Variants in AGPS observed in about 807,000 individuals in gnomAD.
AGPS encodes the protein alkyldihydroxyacetonephosphate synthase, peroxisomal.
In AGPS, 26 loss-of-function variants were observed where a neutral mutation model predicts 90.7. The ratio of observed to expected loss-of-function variants is 0.29; its 90% CI spans 0.21 to 0.40. The LOEUF (loss-of-function observed/expected upper bound fraction) is 0.40, where lower values mean the gene tolerates loss of function less well. AGPS is among the 10% of genes least tolerant of loss of function. The probability of loss-of-function intolerance (pLI) is 1.00; values close to 1 mark genes in which losing one functional copy is unlikely to be tolerated. For missense variants in AGPS, 540 were observed against 816.1 expected, an observed-to-expected ratio of 0.66 and a Z score of 4.12; for synonymous variants, 294 against 285.3, an observed-to-expected ratio of 1.03 and a Z score of -0.31.
chr2:177,529,776 G>A (rs1313886378), intron 19 of AGPS, among the ~76,000 whole-genome samples: 1 of 152,154 alleles, frequency 6.6e-6, no homozygotes, highest in Admixed American at 6.5e-5. Context: ...AAATTTGAGT[G>A]GCTGAACAAC....
intron 16 of AGPS, among the ~76,000 whole-genome samples, chr2:177,512,349 G>T (rs2105725136): frequency 6.6e-6 from 1 of 151,776 alleles, no homozygotes. Flanking sequence ...ATAAATTAAA[G>T]AATTTAACTT....
At chr2:177,491,429 CTT>C (rs1051275473) in intron 11 of AGPS, among the ~76,000 whole-genome samples, 8 of 118,224 alleles carry the variant, frequency 6.8e-5, no homozygotes, top group East Asian at 2.5e-4. Flanking sequence ...TGACTAATTT[CTT>C]TTTTTTTTTT....
chr2:177,429,674 C>T lies in AGPS; in HGVS notation c.351-4653C>T, dbSNP rs183852469. ...GGAGGCTGTGAAACAGCAAAGATGG[C>T]AGCCTGCTTTTTCCTCTGGGAGCTC... On this transcript the variant is annotated intron_variant, in intron 2 of 19. Transcript: ENST00000264167. 2.6e-5 allele frequency among the ~76,000 whole-genome samples: 4 copies of T among 152,322 alleles called. No individual in the cohort carries two copies. The East Asian group carries it at 7.7e-4, about 29-fold the overall frequency.
rs189244583 is a variant in AGPS, at chr2:177,449,931, G to A, written c.870+4305G>A. 3.5e-3 allele frequency among the ~76,000 whole-genome samples: 524 copies of A among 151,032 alleles called. 1 individual carries two copies. Among genetic ancestry groups the A allele is most frequent in the African/African-American group, 7.2e-3 (295 of 41,080 alleles). The stretch of plus-strand genomic sequence containing the variant: ...CGGCTCACTGCAAGCTCCGCCTCCC[G>A]GGTTCATGCCATTCTCCTGCCTCAG... On this transcript the variant is annotated intron_variant, in intron 8 of 19. Transcript: ENST00000264167.
Position 177,445,555 on chromosome 2 carries a change from C to T in AGPS, c.799C>T (p.Leu267Phe). The change falls in exon 8 of 20, where the codon CTC becomes TTC. Residue 267 changes from leucine (L) to phenylalanine (F), a missense_variant. By Grantham distance (22) the Leu-to-Phe change is conservative (BLOSUM62 0). Around this residue, in one of 2 missense-constraint regions of AGPS, gnomAD observed 405 missense variants for 692.1 expected, o/e 0.59. Coordinates refer to ENST00000264167, the MANE Select transcript of AGPS (RefSeq NM_003659.4). Reference protein sequence around the residue: ...SLDTSQMNRILWVDENNLTAH... With the variant: ...SLDTSQMNRIFWVDENNLTAH... The stretch of plus-strand genomic sequence containing the variant: ...TCTTCCTTTGCAACAGAATCGAATT[C>T]TCTGGGTTGATGAGAACAATTTGAC... 5 of 1,613,688 alleles carry T rather than the reference C, an allele frequency of 3.1e-6. No homozygotes were observed. Among genetic ancestry groups the T allele is most frequent in the Non-Finnish European group, 4.2e-6 (5 of 1,179,646 alleles).
At chr2:177,468,330 T>G in intron 9 of AGPS, 86 bp from the exon 10 acceptor site, 1 of 748,820 alleles carries the variant, frequency 1.3e-6, no homozygotes, top group South Asian at 1.8e-5. Flanking sequence ...AAAGTAGGTT[T>G]TACATAAATA....
chr2:177,424,986 A>G (rs1170870661), intron 2 of AGPS, among the ~76,000 whole-genome samples: 2 of 152,170 alleles, frequency 1.3e-5, no homozygotes, highest in Non-Finnish European at 2.9e-5. Flanking sequence ...GACCTTTGTC[A>G]GATGCTCCGA....
intron 10 of AGPS, among the ~76,000 whole-genome samples, chr2:177,474,525 G>C (rs1473992487): frequency 1.3e-5 from 2 of 152,170 alleles, no homozygotes; most frequent in Admixed American, 1.3e-4. Flanking sequence ...GCACAGGCGG[G>C]CCCCCAGTCT....
At chr2:177,489,026 G>A (rs1688174602) in intron 11 of AGPS, among the ~76,000 whole-genome samples, 1 of 151,592 alleles carries the variant, frequency 6.6e-6, no homozygotes, top group East Asian at 1.9e-4. Context: ...TTTTTTCTGT[G>A]ACAAGTAAGA....
intron 11 of AGPS, among the ~76,000 whole-genome samples, chr2:177,485,927 C>CA (rs1040884275): frequency 8.1e-4 from 123 of 151,386 alleles, no homozygotes; most frequent in African/African-American, 5.6e-4. Context: ...AAAAAACAAA[C>CA]AAAAAAAACT....
intron 1 of AGPS, among the ~76,000 whole-genome samples, chr2:177,409,216 C>G (rs1315207273): frequency 2.1e-5 from 3 of 141,232 alleles, no homozygotes; most frequent in African/African-American, 9.1e-5. Flanking sequence ...AAAAACCCAA[C>G]TACTGTTTTG....
intron 16 of AGPS, 88 bp from the exon 17 acceptor site, chr2:177,513,731 T>C: frequency 1.1e-6 from 1 of 952,138 alleles, no homozygotes; most frequent in Non-Finnish European, 1.7e-6. Context: ...ATGTCAGACT[T>C]GAATGATGCC....
intron 10 of AGPS, among the ~76,000 whole-genome samples, chr2:177,475,818 T>C (rs904597916): frequency 2.0e-5 from 3 of 152,034 alleles, no homozygotes; most frequent in Admixed American, 6.6e-5. Flanking sequence ...AGGAGTGGAG[T>C]TGCTGGCCAT....
At chr2:177,466,873 G>A (rs1198412491) in intron 9 of AGPS, among the ~76,000 whole-genome samples, 2 of 152,116 alleles carry the variant, frequency 1.3e-5, no homozygotes, top group African/African-American at 2.4e-5. Flanking sequence ...CTGGGTGGCT[G>A]CAGCTGTGTC....
At chr2:177,517,665 G>A (rs1689059525) in intron 17 of AGPS, among the ~76,000 whole-genome samples, 1 of 151,954 alleles carries the variant, frequency 6.6e-6, no homozygotes, top group African/African-American at 2.4e-5. Context: ...TTTGGGGGAG[G>A]TGTAACTAGA....
chr2:177,410,113 G>T (rs1574345387), intron 1 of AGPS, among the ~76,000 whole-genome samples: 1 of 152,124 alleles, frequency 6.6e-6, no homozygotes, highest in Non-Finnish European at 1.5e-5. Flanking sequence ...TCCTCATGAG[G>T]GTCCCCATTC....
chr2:177,444,381 A>G (rs1157870619), intron 7 of AGPS, among the ~76,000 whole-genome samples: 4 of 148,062 alleles, frequency 2.7e-5, no homozygotes, highest in Admixed American at 2.1e-4. Context: ...AGATCATGCC[A>G]CTGCACTCCA....
rs80089743 is a variant in AGPS at position 177,521,432 on chromosome 2, C to G, written c.1797+64C>G. ...GATTAATTTCAATAAATTTTACTGT[C>G]AATTTATGAATTTTAAGTTGAGTCT... On this transcript the variant is annotated intron_variant, in intron 18 of 19. Coordinates refer to ENST00000264167, the MANE Select transcript of AGPS (RefSeq NM_003659.4). 9.3e-4 allele frequency: 1,232 copies of G among 1,325,314 alleles called. 18 individuals carry two copies. In the East Asian group the frequency reaches 0.023, roughly 25 times the overall value. The allele number at this position is 1,325,314 out of a possible 1,614,324, so 82.1% of individuals were successfully genotyped here.
At chr2:177,446,698 C>T (rs1321538744) in intron 8 of AGPS, among the ~76,000 whole-genome samples, 2 of 152,006 alleles carry the variant, frequency 1.3e-5, no homozygotes, top group Non-Finnish European at 1.5e-5. Context: ...TAAGGGTGGA[C>T]TAAGAGACTG....
Sources: allele counts gnomAD v4.1 joint callset (sites outside exome capture counted in the v4.1 genomes callset), GRCh38; gene constraint gnomAD v4.1.1; regional missense constraint gnomAD v4.1.1; transcripts MANE v1.5; gene names NCBI Gene and HGNC (gene_info 2026-07-23, HGNC 2026-07-21).